The following LMOD1 variants were observed in gnomAD, a reference collection of about 807,000 sequenced individuals.
The protein encoded by LMOD1 is leiomodin-1.
A neutral mutation model predicts 36.5 loss-of-function variants in LMOD1; 8 were observed. The observed-to-expected ratio is 0.22, with a 90% confidence interval of 0.13 to 0.40. LMOD1 has a LOEUF of 0.40. Ranked by LOEUF, LMOD1 falls within the 10% of genes least tolerant of loss-of-function variation. LMOD1 has a pLI of 1.00. For synonymous variants in LMOD1, 284 were observed against 288.7 expected (o/e 0.98, Z 0.17); for missense variants, 630 against 751.1 (o/e 0.84, Z 1.88).
In LMOD1 at chr1:201,899,430, C is replaced by A; in HGVS notation, c.1583G>T (p.Gly528Val). ...GGGTGGTGGGGCAGCTGGAGCACCC[C>A]CTTTTTTGGGTGAGTTCTTTGGAGA... ...KPSPKNSPKKGGAPAAPPPPP... is the reference protein window; with the variant it reads ...KPSPKNSPKKVGAPAAPPPPP... The change falls in exon 2 of 3, where the codon GGG becomes GTG. Residue 528 changes from glycine (G) to valine (V), a missense_variant. Coordinates refer to ENST00000367288, the MANE Select transcript of LMOD1 (RefSeq NM_012134.3). This position sits in a 1 kb window ranked among gnomAD's most constrained non-coding sequence, Gnocchi z 6.3. The A allele has an allele frequency of 6.2e-7, 1 of 1,613,856 alleles. No homozygotes were observed. The highest frequency in any genetic ancestry group is 8.5e-7 in the Non-Finnish European group (1 of 1,179,806).
chr1:201,918,854 T>G (rs913391479), intron 1 of LMOD1, among the ~76,000 whole-genome samples: 1 of 152,174 alleles, frequency 6.6e-6, no homozygotes, highest in African/African-American at 2.4e-5. Context: ...TGAAAGCAAA[T>G]TCCAGGTGTA....
intron 1 of LMOD1, among the ~76,000 whole-genome samples, chr1:201,921,417 G>A (rs1253450310): frequency 6.7e-6 from 1 of 148,218 alleles, no homozygotes; most frequent in African/African-American, 2.5e-5. Context: ...GACCCCAGGA[G>A]GTGGAGGTTG....
chr1:201,921,682 C>T (rs1014879452), intron 1 of LMOD1, among the ~76,000 whole-genome samples: 4 of 151,246 alleles, frequency 2.6e-5, no homozygotes, highest in African/African-American at 4.9e-5. Flanking sequence ...GCATTATGGC[C>T]GGATGCAGTG....
intron 1 of LMOD1, among the ~76,000 whole-genome samples, chr1:201,929,034 A>C (rs1247640020): frequency 6.6e-6 from 1 of 150,720 alleles, no homozygotes; most frequent in African/African-American, 2.4e-5. Context: ...AATATAATTA[A>C]TATTTTCTTT....
At chr1:201,934,074 C>T (rs181398899) in intron 1 of LMOD1, among the ~76,000 whole-genome samples, 396 of 152,192 alleles carry the variant, frequency 2.6e-3, no homozygotes, top group South Asian at 9.8e-3. Flanking sequence ...GACAGAAGAT[C>T]GATGCACTGG....
At chr1:201,927,599 A>G (rs1157665176) in intron 1 of LMOD1, among the ~76,000 whole-genome samples, 2 of 151,984 alleles carry the variant, frequency 1.3e-5, no homozygotes, top group East Asian at 3.9e-4. Context: ...AAAAAAAAAA[A>G]AAGAAGAATT....
chr1:201,929,554 A>AT (rs1571588696), intron 1 of LMOD1, among the ~76,000 whole-genome samples: 2 of 152,226 alleles, frequency 1.3e-5, no homozygotes, highest in Non-Finnish European at 2.9e-5. Context: ...TTAATTGGTT[A>AT]TTTTTAAAAA....
At chr1:201,931,218 G>GGATA (rs1440107678) in intron 1 of LMOD1, among the ~76,000 whole-genome samples, 1 of 152,170 alleles carries the variant, frequency 6.6e-6, no homozygotes, top group Non-Finnish European at 1.5e-5. Flanking sequence ...GACAGAAGAG[G>GGATA]GATATCCTTT....
At chr1:201,941,554 G>A (rs1458764882) in intron 1 of LMOD1, among the ~76,000 whole-genome samples, 1 of 152,322 alleles carries the variant, frequency 6.6e-6, no homozygotes, top group Non-Finnish European at 1.5e-5. Context: ...GCATTGAGCC[G>A]TGCTGCTCAG....
At chr1:201,937,954 A>G (rs967561912) in intron 1 of LMOD1, among the ~76,000 whole-genome samples, 1 of 152,180 alleles carries the variant, frequency 6.6e-6, no homozygotes, top group African/African-American at 2.4e-5. Context: ...AATTCTGTGT[A>G]TAAAACGAAT....
At chr1:201,924,783 G>A (rs1681800931) in intron 1 of LMOD1, among the ~76,000 whole-genome samples, 1 of 152,190 alleles carries the variant, frequency 6.6e-6, no homozygotes, top group Non-Finnish European at 1.5e-5. Context: ...GTAGCTACTT[G>A]GGAGGCTGAG....
chr1:201,931,551 A>AG (rs1456237118), intron 1 of LMOD1, among the ~76,000 whole-genome samples: 2 of 151,330 alleles, frequency 1.3e-5, no homozygotes, highest in East Asian at 3.9e-4. Context: ...AAAAAAAAAA[A>AG]AAAGGGAGAG....
chr1:201,903,769 C>T (rs7522385), intron 1 of LMOD1, among the ~76,000 whole-genome samples: 2,403 of 152,252 alleles, frequency 0.016, 77 homozygotes, highest in African/African-American at 0.056. Flanking sequence ...GACTCCTGCC[C>T]TCCCCTCTTC....
At chr1:201,917,658 C>A (rs1203358018) in intron 1 of LMOD1, among the ~76,000 whole-genome samples, 1 of 152,196 alleles carries the variant, frequency 6.6e-6, no homozygotes, top group Admixed American at 6.5e-5. Context: ...GTCACTGTAG[C>A]ACTCTGCTCT....
At position 201,899,250 on chromosome 1, in the gene LMOD1, T is replaced by C; in HGVS notation, c.1763A>G (p.Lys588Arg). The change falls in exon 2 of 3, where the codon AAG becomes AGG. Residue 588 changes from lysine to arginine, a missense_variant. Lys to Arg is a conservative substitution (Grantham distance 26). Around this residue, in one of 3 missense-constraint regions of LMOD1, gnomAD observed 144 missense variants for 169.8 expected, o/e 0.85. Coordinates refer to ENST00000367288, the MANE Select transcript of LMOD1 (RefSeq NM_012134.3). The surrounding 1 kb of genome is among the most constrained non-coding windows in gnomAD (Gnocchi z 6.3). Reference protein sequence around the residue: ...LLAAIRSSNLKQLKKVEVPKL... With the variant: ...LLAAIRSSNLRQLKKVEVPKL... ...ACAACTACTTAACTTCTTGAGCTGCTTGAGGTTGCTGGAGCGGATGGCAGC... is the reference window on the plus strand; with the variant it reads ...ACAACTACTTAACTTCTTGAGCTGCCTGAGGTTGCTGGAGCGGATGGCAGC... The C allele has an allele frequency of 6.3e-7, 1 of 1,593,980 alleles. No homozygotes were observed. The highest frequency in any genetic ancestry group is 8.6e-7 in the Non-Finnish European group (1 of 1,168,062).
In LMOD1 at chr1:201,910,274, ATTTT is replaced by A. The variant is rs4025032; in HGVS notation, c.262-9527_262-9524del. On this transcript the variant is annotated intron_variant, in intron 1 of 2. Transcript: ENST00000367288. The stretch of plus-strand genomic sequence containing the variant: ...TCCTTTCCCACTGTTTCCTATACGC[ATTTT>A]TTTTTTTTTTTTTGAGACAGGGTTT... Among the ~76,000 whole-genome samples the A allele has an allele frequency of 5.9e-3, 802 of 135,956 alleles. 6 individuals carry two copies. Among genetic ancestry groups the A allele is most frequent in the African/African-American group, 0.019 (702 of 36,592 alleles). 89.2% of individuals were successfully genotyped at this position (135,956 alleles called of 152,430 possible).
chr1:201,919,137 G>T (rs1182371588), intron 1 of LMOD1, among the ~76,000 whole-genome samples: 1 of 151,802 alleles, frequency 6.6e-6, no homozygotes, highest in Non-Finnish European at 1.5e-5. Context: ...CAATCCTCCC[G>T]CCTTGGCCTC....
chr1:201,924,583 AGGAGGG>A (rs1681779743), intron 1 of LMOD1, among the ~76,000 whole-genome samples: 1 of 131,060 alleles, frequency 7.6e-6, no homozygotes, highest in African/African-American at 2.8e-5. Context: ...GAAGGAAGGA[AGGAGGG>A]AGGGAGGGAA....
chr1:201,911,818 G>A, intron 1 of LMOD1, among the ~76,000 whole-genome samples: 1 of 152,100 alleles, frequency 6.6e-6, no homozygotes, highest in Non-Finnish European at 1.5e-5. Flanking sequence ...CAAATGAAAA[G>A]GCCTGTGCTT....
Sources: allele counts gnomAD v4.1 joint callset (sites outside exome capture counted in the v4.1 genomes callset), GRCh38; gene constraint gnomAD v4.1.1; regional missense constraint gnomAD v4.1.1; non-coding constraint Gnocchi (gnomAD v3.1); transcripts MANE v1.5; gene names NCBI Gene and HGNC (gene_info 2026-07-23, HGNC 2026-07-21).